The following LAMB2 variants were observed in gnomAD, a reference collection of about 807,000 sequenced individuals.
LAMB2 encodes the protein laminin subunit beta-2.
In LAMB2, 119 loss-of-function variants were observed where a neutral mutation model predicts 202.7. The observed-to-expected ratio is 0.59, with a 90% CI of 0.51 to 0.68. LAMB2 has a LOEUF of 0.68. Among genes scored for constraint, LAMB2 ranks in the 30% least tolerant of loss-of-function variants. LAMB2 has a pLI of 0.00. For missense variants in LAMB2, 2,124 were observed against 2,410.6 expected (o/e 0.88, Z 2.49); for synonymous variants, 818 against 902.2 (o/e 0.91, Z 1.67).
chr3:49,129,938 C>T lies in LAMB2; in HGVS notation c.1306G>A (p.Gly436Ser), dbSNP rs142402808. 1,293 of 1,614,016 alleles carry T rather than the reference C, an allele frequency of 8.0e-4. No individual in the cohort carries two copies. The highest frequency in any genetic ancestry group is 7.1e-4 in the Non-Finnish European group (834 of 1,180,000). ...HDDPALGLVS[G>S]QCRCKEHVVG... The stretch of plus-strand genomic sequence containing the variant: ...ACATGTTCTTTGCAGCGACACTGGC[C>T]GGAGACCAGTCCCAGTGCAGGGTCA... Residue 436 changes from glycine to serine, a missense_variant, in exon 10 of 32, where the codon GGC becomes AGC. Physicochemically the swap from Gly to Ser is moderately conservative, Grantham distance 56. This residue lies in a region of LAMB2 where 1,702 missense variants were observed against 1,896.3 expected (regional missense o/e 0.90). Coordinates refer to ENST00000305544, the MANE Select transcript of LAMB2 (RefSeq NM_002292.4). This position sits in a 1 kb window ranked among gnomAD's most constrained non-coding sequence, Gnocchi z 6.1.
chr3:49,129,378 A>C lies in LAMB2; in HGVS notation c.1519-54T>G. 2.0e-6 allele frequency: 3 copies of C among 1,497,264 alleles called. No individual in the cohort carries two copies. Among genetic ancestry groups the C allele is most frequent in the Non-Finnish European group, 2.8e-6 (3 of 1,082,968 alleles). The allele number at this position is 1,497,264 out of a possible 1,614,324, so 92.7% of individuals were successfully genotyped here. A position where few individuals can be genotyped will look rare whatever the true frequency, so the allele number is the denominator to read the frequency against. On this transcript the variant is annotated intron_variant, in intron 11 of 31. Transcript: ENST00000305544. This position sits in a 1 kb window ranked among gnomAD's most constrained non-coding sequence, Gnocchi z 6.1. ...AAACAGACCTCCAGACCCCATCACCACCCAGCAGGAAATCCCAACCACACG... is the reference window on the plus strand; with the variant it reads ...AAACAGACCTCCAGACCCCATCACCCCCCAGCAGGAAATCCCAACCACACG...
intron 30 of LAMB2, 22 bp downstream of exon 30, chr3:49,121,662 A>T: frequency 6.2e-7 from 1 of 1,614,032 alleles, no homozygotes; most frequent in Non-Finnish European, 8.5e-7. Flanking sequence ...TACCTTCTCC[A>T]GCTGGCTCTG....
chr3:49,124,355 TG>T, intron 22 of LAMB2, 39 bp downstream of exon 22: 1 of 1,612,700 alleles, frequency 6.2e-7, no homozygotes, highest in Non-Finnish European at 8.5e-7. Flanking sequence ...GACAGACACC[TG>T]GCCCCATCTA....
intron 24 of LAMB2, 33 bp downstream of exon 24, chr3:49,123,695 C>A: frequency 6.2e-7 from 1 of 1,613,700 alleles, no homozygotes; most frequent in East Asian, 2.2e-5. Context: ...GCCTCTGCCC[C>A]ATCCCACCAT....
In LAMB2 at chr3:49,129,005, G is replaced by A. The variant is rs1360049718; in HGVS notation, c.1731+15C>T. ...CACCCACATCCAGCCCTCTGCTTAG[G>A]GGGAGGCCCCACACCTGCCCTCGGG... On this transcript the variant is annotated intron_variant, in intron 13 of 31. Transcript: ENST00000305544. The surrounding 1 kb of genome is among the most constrained non-coding windows in gnomAD (Gnocchi z 6.1). 7 of 1,606,612 alleles carry A rather than the reference G, an allele frequency of 4.4e-6. No individual in the cohort carries two copies. Among genetic ancestry groups the A allele is most frequent in the Non-Finnish European group, 5.9e-6 (7 of 1,179,970 alleles).
At chr3:49,127,381 G>A (rs777413913) in intron 15 of LAMB2, among the ~76,000 whole-genome samples, 6 of 151,796 alleles carry the variant, frequency 4.0e-5, no homozygotes, top group Non-Finnish European at 8.8e-5. Flanking sequence ...CCTTCTGTTT[G>A]AATATTTACA....
rs756015306 is a variant in LAMB2 at position 49,124,857 on chromosome 3, G to A, written c.2953C>T (p.Leu985=). ...TCAATGTTCCCACTGCACTCACACA[G>A]TTGGCACCGGCCACCTGGCCTTGAT... The part of the protein sequence containing the change: ...DPSRPGGRCQ[L]CECSGNIDPM... The change falls in exon 21 of 32, where the codon CTG becomes TTG. Residue 985 remains leucine (L), a synonymous_variant. Transcript: ENST00000305544. The A allele has an allele frequency of 1.1e-5, 18 of 1,614,126 alleles. 1 individual carries two copies. In the South Asian group the frequency reaches 1.9e-4, roughly 17 times the overall value.
chr3:49,131,289 C>A lies in LAMB2; in HGVS notation c.712+90G>T. ...CGAGCTAAACTGGGCTTGGCACCTG[C>A]CCTAGGAAGCACCCAAAATAGTTAC... On this transcript the variant is annotated intron_variant, in intron 6 of 31. Transcript: ENST00000305544. This position sits in a 1 kb window ranked among gnomAD's most constrained non-coding sequence, Gnocchi z 5.0. 6.6e-7 allele frequency: 1 copy of A among 1,508,428 alleles called. No homozygotes were observed. The allele number at this position is 1,508,428 out of a possible 1,614,324, so 93.4% of individuals were successfully genotyped here. A position where few individuals can be genotyped will look rare whatever the true frequency, so the allele number is the denominator to read the frequency against.
In LAMB2 at chr3:49,131,621, C is replaced by G. The variant is rs1371089761; in HGVS notation, c.562G>C (p.Gly188Arg). 4.3e-6 allele frequency: 7 copies of G among 1,613,798 alleles called. No individual in the cohort carries two copies. Among genetic ancestry groups the G allele is most frequent in the Non-Finnish European group, 5.9e-6 (7 of 1,180,012 alleles). Residue 188 changes from glycine (G) to arginine (R), a missense_variant, in exon 5 of 32, where the codon GGA becomes CGA. Gly to Arg is a moderately radical substitution (Grantham distance 125, BLOSUM62 -2). This residue lies in a region of LAMB2 where 256 missense variants were observed against 356.1 expected (regional missense o/e 0.72). Transcript: ENST00000305544. The surrounding 1 kb of genome is among the most constrained non-coding windows in gnomAD (Gnocchi z 5.0). The stretch of plus-strand genomic sequence containing the variant: ...TGCCGTGGGGGTGCTAGTGGGACTC[C>G]TGGGAAGTCAGCCCCACAGTCATAG... ...FSYDCGADFP[G>R]VPLAPPRHWD...
Position 49,132,650 on chromosome 3 carries a change from T to C in LAMB2, c.90A>G (p.Thr30=), listed in dbSNP as rs541982985. ...LGLLLSVLAA[T]LAQAPAPDVP... is the part of the protein sequence containing the mutation. Reference sequence around the variant, plus strand: ...CATCCGGGGCAGGGGCCTGTGCCAGTGTGGCAGCCAGCACTGGGGACAGTA... The same window carrying C: ...CATCCGGGGCAGGGGCCTGTGCCAGCGTGGCAGCCAGCACTGGGGACAGTA... Residue 30 remains threonine, a synonymous_variant, in exon 2 of 32, where the codon ACA becomes ACG. Coordinates refer to ENST00000305544, the MANE Select transcript of LAMB2 (RefSeq NM_002292.4). The surrounding 1 kb of genome is among the most constrained non-coding windows in gnomAD (Gnocchi z 4.6). 3 of 1,614,138 alleles carry C rather than the reference T, an allele frequency of 1.9e-6. No individual in the cohort carries two copies. The highest frequency in any genetic ancestry group is 2.5e-6 in the Non-Finnish European group (3 of 1,180,024).
Position 49,125,117 on chromosome 3 carries a change from G to A in LAMB2, c.2773C>T (p.Arg925Trp), listed in dbSNP as rs190191113. The change falls in exon 20 of 32, where the codon CGG (arginine) becomes TGG (tryptophan). Residue 925 changes from arginine (R) to tryptophan (W), a missense_variant. This residue lies in a region of LAMB2 where 1,702 missense variants were observed against 1,896.3 expected (regional missense o/e 0.90). Coordinates refer to ENST00000305544, the MANE Select transcript of LAMB2 (RefSeq NM_002292.4). ...DPRLPYGGQC[R>W]PCPCPEGPGS... The stretch of plus-strand genomic sequence containing the variant: ...GGGCCTTCAGGACAGGGACAGGGCC[G>A]GCACTGGCCCCCATATGGCAGCCGT... 31 of 1,613,684 alleles carry A rather than the reference G, an allele frequency of 1.9e-5. No individual in the cohort carries two copies. The highest frequency in any genetic ancestry group is 1.8e-4 in the Admixed American group (11 of 60,032).
rs997108886 is a variant in LAMB2 at position 49,124,686 on chromosome 3, C to T, written c.3109+15G>A. ...GAACCCCAATTCAGCCATGCCCTCC[C>T]ACACTCATACTCACGGTGACAGCTC... On this transcript the variant is annotated intron_variant, in intron 21 of 31. Transcript: ENST00000305544. 6.2e-7 allele frequency: 1 copy of T among 1,614,122 alleles called. No individual in the cohort carries two copies. Among genetic ancestry groups the T allele is most frequent in the Non-Finnish European group, 8.5e-7 (1 of 1,179,996 alleles).
Position 49,123,092 on chromosome 3 carries a change from C to T in LAMB2, c.4224+40G>A, listed in dbSNP as rs746205928. 1.2e-5 allele frequency: 19 copies of T among 1,606,924 alleles called. No homozygotes were observed. The East Asian group carries it at 2.9e-4, about 25-fold the overall frequency. ...ACAAGTCAGGGCCCTGTGAGAGGAA[C>T]ATCTACACCCACCTGCCCCACCCAA... is the stretch of plus-strand genomic sequence containing the variant. On this transcript the variant is annotated intron_variant, in intron 26 of 31. Coordinates refer to ENST00000305544, the MANE Select transcript of LAMB2 (RefSeq NM_002292.4).
intron 31 of LAMB2, 27 bp from the exon 32 acceptor site, chr3:49,121,389 G>A: frequency 1.2e-6 from 2 of 1,614,100 alleles, no homozygotes; most frequent in South Asian, 1.1e-5. Context: ...TCAGTTTAGG[G>A]GGGGTTTCCC....
In LAMB2 at chr3:49,128,750, G is replaced by A. The variant is rs1317194022; in HGVS notation, c.1801C>T (p.Arg601Trp). Residue 601 changes from arginine to tryptophan, a missense_variant, in exon 14 of 32, where the codon CGG (arginine) becomes TGG (tryptophan). Transcript: ENST00000305544. ...TCCAGGGTCTGACCTTCCTGTAGCCGCACGAAGCCTGAGCCAGTCCAGGAT... is the reference window on the plus strand; with the variant it reads ...TCCAGGGTCTGACCTTCCTGTAGCCACACGAAGCCTGAGCCAGTCCAGGAT... ...TPSWTGSGFV[R>W]LQEGQTLEFL... 3.1e-6 allele frequency: 5 copies of A among 1,613,960 alleles called. No homozygotes were observed. Among genetic ancestry groups the A allele is most frequent in the East Asian group, 2.2e-5 (1 of 44,896 alleles).
chr3:49,126,609 A>G (rs1477686003), intron 15 of LAMB2, 112 bp from the exon 16 acceptor site: 4 of 1,440,242 alleles, frequency 2.8e-6, no homozygotes, highest in Non-Finnish European at 2.9e-6. Context: ...AGCAGAGACT[A>G]TGGCTGGGTT....
rs1280319816 is a variant in LAMB2 at position 49,129,415 on chromosome 3, A to G, written c.1519-91T>C. The G allele has an allele frequency of 1.6e-6, 2 of 1,232,970 alleles. No individual in the cohort carries two copies. The highest frequency in any genetic ancestry group is 1.3e-5 in the South Asian group (1 of 78,474). The allele number at this position is 1,232,970 out of a possible 1,614,324, so 76.4% of individuals were successfully genotyped here. ...ATCCCAACCACACGTCTTAGCCTCA[A>G]TCACCCCTCAGTGAAAACATGCCCC... On this transcript the variant is annotated intron_variant, in intron 11 of 31. Transcript: ENST00000305544. This position sits in a 1 kb window ranked among gnomAD's most constrained non-coding sequence, Gnocchi z 6.1.
rs114371735 is a variant in LAMB2 at position 49,122,346 on chromosome 3, A to G, written c.4598T>C (p.Ile1533Thr). ...TAGCACCCGTGTGGCCACCATTTCAATGCTATCAGGATCAGCCCCCTCCTC... is the reference window on the plus strand; with the variant it reads ...TAGCACCCGTGTGGCCACCATTTCAGTGCTATCAGGATCAGCCCCCTCCTC... ...LNQEGADPDS[I>T]EMVATRVLEL... The change falls in exon 28 of 32, where the codon ATT (isoleucine) becomes ACT (threonine). Residue 1533 changes from isoleucine (I) to threonine (T), a missense_variant. Coordinates refer to ENST00000305544, the MANE Select transcript of LAMB2 (RefSeq NM_002292.4). 2.5e-6 allele frequency: 4 copies of G among 1,613,406 alleles called. No homozygotes were observed. Among genetic ancestry groups the G allele is most frequent in the African/African-American group, 2.7e-5 (2 of 75,042 alleles).
Position 49,132,617 on chromosome 3 carries a change from G to A in LAMB2, c.123C>T (p.Gly41=), listed in dbSNP as rs773513673. ...LAQAPAPDVP[G]CSRGSCYPAT... ...CGGGGTAGCAGCTTCCCCTGGAACA[G>A]CCAGGCACATCCGGGGCAGGGGCCT... is the stretch of plus-strand genomic sequence containing the variant. The change falls in exon 2 of 32, where the codon GGC becomes GGT. Residue 41 remains glycine, a synonymous_variant. Transcript: ENST00000305544. This position sits in a 1 kb window ranked among gnomAD's most constrained non-coding sequence, Gnocchi z 4.6. 5 of 1,613,888 alleles carry A rather than the reference G, an allele frequency of 3.1e-6. No individual in the cohort carries two copies. Among genetic ancestry groups the A allele is most frequent in the Non-Finnish European group, 4.2e-6 (5 of 1,180,004 alleles).
Sources: allele counts gnomAD v4.1 joint callset (sites outside exome capture counted in the v4.1 genomes callset), GRCh38; gene constraint gnomAD v4.1.1; regional missense constraint gnomAD v4.1.1; non-coding constraint Gnocchi (gnomAD v3.1); transcripts MANE v1.5; gene names NCBI Gene and HGNC (gene_info 2026-07-23, HGNC 2026-07-21).